Variants in HMCN1 observed in about 807,000 individuals in gnomAD.
HMCN1 encodes the protein hemicentin 1, also known as hemicentin-1.
Under a neutral mutation model 625.9 loss-of-function variants are expected in HMCN1, and 321 were observed. The observed-to-expected ratio is 0.51, with a 90% CI of 0.47 to 0.56. The LOEUF is 0.56. Ranked by LOEUF, HMCN1 falls within the 20% of genes least tolerant of loss-of-function variation. HMCN1 has a pLI of 0.00. For synonymous variants in HMCN1, 2,425 were observed against 2,417.6 expected (o/e 1.00, Z -0.09); for missense variants, 6,588 against 6,887.3 (o/e 0.96, Z 1.54).
chr1:186,020,884 AG>A (rs1331802964), intron 35 of HMCN1, among the ~76,000 whole-genome samples: 1 of 152,096 alleles, frequency 6.6e-6, no homozygotes, highest in Non-Finnish European at 1.5e-5. Flanking sequence ...ATTGGAGACT[AG>A]GTAGGAGGCA....
chr1:186,134,363 G>T (rs1571400225), intron 86 of HMCN1, among the ~76,000 whole-genome samples: 1 of 152,186 alleles, frequency 6.6e-6, no homozygotes, highest in East Asian at 1.9e-4. Flanking sequence ...AGCTTATTTA[G>T]TCATGTTGTC....
At chr1:186,051,341 T>A (rs1558177468) in intron 42 of HMCN1, among the ~76,000 whole-genome samples, 1 of 152,054 alleles carries the variant, frequency 6.6e-6, no homozygotes. Flanking sequence ...AGGAGGGATG[T>A]CTGTGTCTTT....
intron 4 of HMCN1, among the ~76,000 whole-genome samples, chr1:185,870,611 T>G (rs1470653509): frequency 2.6e-5 from 4 of 152,110 alleles, no homozygotes; most frequent in Non-Finnish European, 5.9e-5. Flanking sequence ...ATGGGGTTCA[T>G]GAGATGTTTT....
chr1:185,898,118 G>A (rs1357663866), intron 4 of HMCN1, among the ~76,000 whole-genome samples: 1 of 152,152 alleles, frequency 6.6e-6, no homozygotes, highest in Admixed American at 6.5e-5. Context: ...CTGGAAAGTG[G>A]TGGACCTCCC....
At chr1:185,760,874 G>C (rs1450940833) in intron 1 of HMCN1, among the ~76,000 whole-genome samples, 2 of 152,160 alleles carry the variant, frequency 1.3e-5, no homozygotes, top group African/African-American at 4.8e-5. Context: ...TATGTATGAG[G>C]AAATGGAGTC....
intron 4 of HMCN1, among the ~76,000 whole-genome samples, chr1:185,900,821 C>A (rs950358727): frequency 6.6e-6 from 1 of 151,938 alleles, no homozygotes; most frequent in African/African-American, 2.4e-5. Flanking sequence ...TAGAGATATA[C>A]AAAAGGTTCC....
At chr1:186,099,353 C>A in intron 68 of HMCN1, among the ~76,000 whole-genome samples, 1 of 151,928 alleles carries the variant, frequency 6.6e-6, no homozygotes, top group East Asian at 1.9e-4. Flanking sequence ...GGTTGGGTAG[C>A]AAATTCCTGT....
At chr1:185,844,519 T>C (rs1014918001) in intron 1 of HMCN1, among the ~76,000 whole-genome samples, 20 of 152,246 alleles carry the variant, frequency 1.3e-4, no homozygotes, top group African/African-American at 4.6e-4. Flanking sequence ...AATTAATTAT[T>C]ATTCTTTGGA....
At chr1:186,159,606 C>T (rs1651293424) in intron 97 of HMCN1, among the ~76,000 whole-genome samples, 1 of 152,200 alleles carries the variant, frequency 6.6e-6, no homozygotes, top group Non-Finnish European at 1.5e-5. Flanking sequence ...TAATACCTAA[C>T]ATATTGAGAG....
At chr1:185,903,268 G>A (rs1241333072) in intron 4 of HMCN1, among the ~76,000 whole-genome samples, 5 of 151,696 alleles carry the variant, frequency 3.3e-5, no homozygotes, top group Non-Finnish European at 5.9e-5. Flanking sequence ...CATGTAGAAG[G>A]TGTGGAAGTT....
At chr1:185,780,669 G>C (rs569685822) in intron 1 of HMCN1, among the ~76,000 whole-genome samples, 2 of 152,246 alleles carry the variant, frequency 1.3e-5, no homozygotes, top group Admixed American at 1.3e-4. Flanking sequence ...TTTGTATGTT[G>C]AACCAGCCTT....
intron 46 of HMCN1, among the ~76,000 whole-genome samples, chr1:186,060,650 A>G (rs1376708042): frequency 6.6e-6 from 1 of 152,182 alleles, no homozygotes; most frequent in Non-Finnish European, 1.5e-5. Flanking sequence ...CTAGTGCATG[A>G]AGTGACCCCA....
chr1:185,967,562 C>A (rs1650501321), intron 14 of HMCN1, among the ~76,000 whole-genome samples: 1 of 152,054 alleles, frequency 6.6e-6, no homozygotes, highest in Non-Finnish European at 1.5e-5. Flanking sequence ...AGGATCAGGT[C>A]AACTAACATA....
At position 185,957,305 on chromosome 1, in the gene HMCN1, A is replaced by G. The variant is rs138665009; in HGVS notation, c.1829-5213A>G. 1.6e-4 allele frequency among the ~76,000 whole-genome samples: 24 copies of G among 152,330 alleles called. No individual in the cohort carries two copies. The East Asian group carries it at 2.9e-3, about 18-fold the overall frequency. ...CACCCCAATTTAGAAACAAAATGTG[A>G]GTGAGTTTTGCAAAATTTTACAAAA... On this transcript the variant is annotated intron_variant, in intron 11 of 106. Coordinates refer to ENST00000271588, the MANE Select transcript of HMCN1 (RefSeq NM_031935.3).
At chr1:186,122,501 A>G (rs1313509034) in intron 80 of HMCN1, among the ~76,000 whole-genome samples, 2 of 152,192 alleles carry the variant, frequency 1.3e-5, no homozygotes, top group Non-Finnish European at 2.9e-5. Context: ...CCTTTATTAA[A>G]TGTAGCCACT....
chr1:185,817,841 C>T (rs1659936967), intron 1 of HMCN1, among the ~76,000 whole-genome samples: 1 of 152,090 alleles, frequency 6.6e-6, no homozygotes, highest in South Asian at 2.1e-4. Context: ...GCACAAAAAG[C>T]TGTTTCGGTT....
intron 11 of HMCN1, among the ~76,000 whole-genome samples, chr1:185,961,905 T>C (rs1225988130): frequency 6.6e-6 from 1 of 152,186 alleles, no homozygotes; most frequent in African/African-American, 2.4e-5. Flanking sequence ...ACATTACAAT[T>C]CAGAGCCAAG....
chr1:185,779,538 G>A (rs932618145), intron 1 of HMCN1, among the ~76,000 whole-genome samples: 23 of 152,214 alleles, frequency 1.5e-4, no homozygotes, highest in African/African-American at 4.8e-4. Flanking sequence ...GTGTAAGGAA[G>A]GGATCCAGTT....
At chr1:185,800,239 T>G (rs1411701106) in intron 1 of HMCN1, among the ~76,000 whole-genome samples, 2 of 152,232 alleles carry the variant, frequency 1.3e-5, no homozygotes, top group Admixed American at 1.3e-4. Flanking sequence ...CCAAGCAGGC[T>G]GCATTGCTTC....
Sources: allele counts gnomAD v4.1 joint callset (sites outside exome capture counted in the v4.1 genomes callset), GRCh38; gene constraint gnomAD v4.1.1; transcripts MANE v1.5; gene names NCBI Gene and HGNC (gene_info 2026-07-23, HGNC 2026-07-21).